KANK1: variants seen among roughly 807,000 people sequenced by gnomAD.
KANK1 encodes the protein KN motif and ankyrin repeat domains 1, also known as KN motif and ankyrin repeat domain-containing protein 1.
Under a neutral mutation model 106.2 loss-of-function variants are expected in KANK1, and 109 were observed. The observed-to-expected ratio is 1.03, with a 90% confidence interval of 0.88 to 1.20. The LOEUF (loss-of-function observed/expected upper bound fraction) is 1.20, where lower values mean the gene tolerates loss of function less well. KANK1 is among the 50% of genes most tolerant of loss of function. The pLI is 0.00. For missense variants in KANK1, 2,399 were observed against 1,710.7 expected (o/e 1.40, Z -7.10); for synonymous variants, 873 against 652.2 (o/e 1.34, Z -5.16).
intron 7 of KANK1, chr9:735,848 A>T (rs949000601): frequency 4.6e-5 from 15 of 326,868 alleles, no homozygotes; most frequent in African/African-American, 3.1e-4. Context: ...ACAAAAAGTT[A>T]GCCAGGCATG....
intron 7 of KANK1, among the ~76,000 whole-genome samples, chr9:736,020 T>G (rs1167168588): frequency 6.6e-6 from 1 of 152,052 alleles, no homozygotes; most frequent in Non-Finnish European, 1.5e-5. Context: ...TGCAGTGGCG[T>G]GATCTCGGCT....
intron 1 of KANK1, among the ~76,000 whole-genome samples, chr9:542,012 C>T (rs1384732208): frequency 6.6e-6 from 1 of 151,634 alleles, no homozygotes; most frequent in Non-Finnish European, 1.5e-5. Context: ...TGGCGTGAAC[C>T]CGGGAGGCGG....
Position 678,968 on chromosome 9 carries a change from A to G in KANK1, c.37+1959A>G, listed in dbSNP as rs144579070. Among the ~76,000 whole-genome samples, 713 of 152,194 alleles carry G rather than the reference A, an allele frequency of 4.7e-3. 7 individuals are homozygous for G. The highest frequency in any genetic ancestry group is 0.02 in the Middle Eastern group (6 of 294). On this transcript the variant is annotated intron_variant, in intron 2 of 11. Coordinates refer to ENST00000382297, the MANE Select transcript of KANK1 (RefSeq NM_015158.5). ...GTGCCTTGGGCAAAATCCTTTCTTC[A>G]TGGGTTTAGATACCTACCCCACTAA...
At chr9:507,579 A>C (rs1328570593) in intron 1 of KANK1, among the ~76,000 whole-genome samples, 2 of 122,712 alleles carry the variant, frequency 1.6e-5, no homozygotes, top group African/African-American at 3.3e-5. Flanking sequence ...TTTTTTTGAG[A>C]TGGAGTCTCG....
rs146334083 is a variant in KANK1 at position 626,361 on chromosome 9, G to A, written c.-83-50529G>A. 6.6e-3 allele frequency among the ~76,000 whole-genome samples: 997 copies of A among 152,116 alleles called. 15 individuals carry two copies. The highest frequency in any genetic ancestry group is 0.023 in the African/African-American group (938 of 41,486). ...TCCCAGCTACTCGGAAGGCTGAGGC[G>A]GGAGAATTGCTTGAATTCAGGAGGC... On this transcript the variant is annotated intron_variant, in intron 1 of 11. Coordinates refer to ENST00000382297, the MANE Select transcript of KANK1 (RefSeq NM_015158.5).
At chr9:574,854 CAAAAA>C in intron 1 of KANK1, among the ~76,000 whole-genome samples, 1 of 79,238 alleles carries the variant, frequency 1.3e-5, no homozygotes, top group East Asian at 3.4e-4. Flanking sequence ...GACTCCGTCT[CAAAAA>C]AAAAAAAAAA....
intron 2 of KANK1, among the ~76,000 whole-genome samples, chr9:690,054 G>A (rs566798793): frequency 1.3e-5 from 2 of 149,774 alleles, no homozygotes; most frequent in Admixed American, 6.7e-5. Context: ...TTGGGAGGCT[G>A]AGGTGGGTGG....
At chr9:644,439 C>T (rs537185754) in intron 1 of KANK1, among the ~76,000 whole-genome samples, 17 of 150,956 alleles carry the variant, frequency 1.1e-4, no homozygotes, top group East Asian at 1.9e-4. Context: ...CTCAGGGTTC[C>T]GCAGGCCAGG....
chr9:493,528 C>T (rs1163630773), intron 3 of KANK1, among the ~76,000 whole-genome samples: 1 of 149,454 alleles, frequency 6.7e-6, no homozygotes, highest in Non-Finnish European at 1.5e-5. Flanking sequence ...TTTATAGTCT[C>T]ATGCTGCTAG....
At chr9:485,129 A>T (rs1401683037) in intron 3 of KANK1, among the ~76,000 whole-genome samples, 1 of 152,158 alleles carries the variant, frequency 6.6e-6, no homozygotes, top group East Asian at 1.9e-4. Context: ...ACTGTCAGTC[A>T]CTGTGCTTTG....
intron 1 of KANK1, among the ~76,000 whole-genome samples, chr9:520,615 T>C (rs560405750): frequency 6.6e-6 from 1 of 151,892 alleles, no homozygotes; most frequent in South Asian, 2.1e-4. Flanking sequence ...ACTCAAAAAA[T>C]TTAATGGCCT....
intron 1 of KANK1, among the ~76,000 whole-genome samples, chr9:617,680 C>T (rs143807228): frequency 2.5e-4 from 38 of 152,294 alleles, no homozygotes; most frequent in African/African-American, 6.3e-4. Context: ...ATTTTCCCAC[C>T]GTAAACTTAG....
chr9:531,839 T>A (rs1333692158), intron 1 of KANK1, among the ~76,000 whole-genome samples: 4 of 152,224 alleles, frequency 2.6e-5, no homozygotes, highest in Non-Finnish European at 5.9e-5. Context: ...AAAATGTGGC[T>A]GCTTCTGTGT....
intron 1 of KANK1, among the ~76,000 whole-genome samples, chr9:545,779 T>C (rs1353136132): frequency 5.0e-5 from 7 of 140,658 alleles, no homozygotes; most frequent in African/African-American, 1.9e-4. Context: ...GTCTCGCTGC[T>C]CTGTCGCCCA....
chr9:584,052 T>C (rs978439172), intron 1 of KANK1, among the ~76,000 whole-genome samples: 2 of 152,162 alleles, frequency 1.3e-5, no homozygotes, highest in Non-Finnish European at 2.9e-5. Context: ...GACCTTGACC[T>C]TATCCCAGGC....
intron 3 of KANK1, among the ~76,000 whole-genome samples, chr9:727,757 A>G (rs1024592344): frequency 2.0e-5 from 3 of 151,800 alleles, no homozygotes; most frequent in South Asian, 2.1e-4. Flanking sequence ...GGATCACACA[A>G]TACATGGAAT....
intron 1 of KANK1, among the ~76,000 whole-genome samples, chr9:552,108 G>C (rs528715596): frequency 5.2e-4 from 79 of 152,268 alleles, no homozygotes; most frequent in South Asian, 2.5e-3. Flanking sequence ...GCCTAGGCAA[G>C]TACGGCATTC....
chr9:639,126 C>G (rs776958132), intron 1 of KANK1, among the ~76,000 whole-genome samples: 1 of 152,098 alleles, frequency 6.6e-6, no homozygotes, highest in Non-Finnish European at 1.5e-5. Context: ...TTGCTGAACA[C>G]TTTGTTTCAC....
At chr9:502,937 C>G (rs892341971), upstream of KANK1, among the ~76,000 whole-genome samples, 1 of 150,910 alleles carries the variant, frequency 6.6e-6, no homozygotes, top group African/African-American at 2.4e-5. Flanking sequence ...AGGGCTCAGG[C>G]GATCCTCCTA....
Sources: gnomAD v4.1 joint callset for allele counts (sites outside exome capture counted in the v4.1 genomes callset) on GRCh38, gnomAD v4.1.1 for gene constraint, MANE v1.5 for transcripts, NCBI Gene and HGNC (gene_info 2026-07-23, HGNC 2026-07-21) for gene names.